Variants in RTN4RL1 observed in about 807,000 individuals in gnomAD.
The protein encoded by RTN4RL1 is reticulon 4 receptor like 1.
In RTN4RL1, 7 loss-of-function variants were observed where a neutral mutation model predicts 25.6. That is an observed-to-expected ratio of 0.27 (90% CI 0.16 to 0.51). The LOEUF (loss-of-function observed/expected upper bound fraction) is 0.51, where lower values mean the gene tolerates loss of function less well. Among genes scored for constraint, RTN4RL1 ranks in the 20% least tolerant of loss-of-function variants. The pLI is 0.97. For missense variants in RTN4RL1, 500 were observed against 615.6 expected, an observed-to-expected ratio of 0.81 and a Z score of 1.99; for synonymous variants, 297 against 288.2, an observed-to-expected ratio of 1.03 and a Z score of -0.31.
intron 1 of RTN4RL1, among the ~76,000 whole-genome samples, chr17:1,956,753 T>C (rs1915802356): frequency 6.6e-6 from 1 of 151,374 alleles, no homozygotes; most frequent in African/African-American, 2.4e-5. Flanking sequence ...TTTTTTTTTT[T>C]TTTTTTTAAG....
rs2067254149 is a variant in RTN4RL1 at position 2,025,049 on chromosome 17, G to A, written c.-184C>T. 2.1e-6 allele frequency: 1 copy of A among 481,564 alleles called. No individual in the cohort carries two copies. 29.8% of individuals were successfully genotyped at this position (481,564 alleles called of 1,614,324 possible). A position where few individuals can be genotyped will look rare whatever the true frequency, so the allele number is the denominator to read the frequency against. On this transcript the variant is annotated 5_prime_UTR_variant, in exon 1 of 2. Coordinates refer to ENST00000331238, the MANE Select transcript of RTN4RL1 (RefSeq NM_178568.4). This position sits in a 1 kb window ranked among gnomAD's most constrained non-coding sequence, Gnocchi z 4.8. The stretch of plus-strand genomic sequence containing the variant: ...ATGGTGAGCTCCAGCCCCGCGCCGA[G>A]GGCACCGGCGCCCGCAAGCAACCGT...
chr17:1,951,647 C>T (rs1421562336), intron 1 of RTN4RL1, among the ~76,000 whole-genome samples: 1 of 152,084 alleles, frequency 6.6e-6, no homozygotes, highest in Non-Finnish European at 1.5e-5. Context: ...GATGGGGTTT[C>T]ACCACATGTT....
At position 1,998,075 on chromosome 17, in the gene RTN4RL1, T is replaced by C. The variant is rs1379295058; in HGVS notation, c.13+26778A>G. On this transcript the variant is annotated intron_variant, in intron 1 of 1. Coordinates refer to ENST00000331238, the MANE Select transcript of RTN4RL1 (RefSeq NM_178568.4). This position sits in a 1 kb window ranked among gnomAD's most constrained non-coding sequence, Gnocchi z 4.9. ...CCCCAGGCCGCGATCGATCCCGGCC[T>C]CTCCCGGCCTCATTACCGAGGGAGA... Among the ~76,000 whole-genome samples the C allele has an allele frequency of 1.3e-5, 2 of 151,382 alleles. No individual in the cohort carries two copies. Among genetic ancestry groups the C allele is most frequent in the East Asian group, 2.0e-4 (1 of 5,108 alleles).
chr17:1,996,131 G>C (rs1341103420), intron 1 of RTN4RL1, among the ~76,000 whole-genome samples: 1 of 152,150 alleles, frequency 6.6e-6, no homozygotes, highest in African/African-American at 2.4e-5. Flanking sequence ...AATTTTCCCG[G>C]TACTCTCATC....
At chr17:1,995,318 C>T (rs774486405) in intron 1 of RTN4RL1, among the ~76,000 whole-genome samples, 2 of 151,530 alleles carry the variant, frequency 1.3e-5, no homozygotes, top group African/African-American at 4.9e-5. Context: ...CCCAGCTACT[C>T]GGGAAGCTGA....
intron 1 of RTN4RL1, among the ~76,000 whole-genome samples, chr17:1,956,247 GCACTCGTCAAA>G (rs1490198879): frequency 6.6e-6 from 1 of 152,150 alleles, no homozygotes; most frequent in African/African-American, 2.4e-5. Flanking sequence ...AGGTAAACAG[GCACTCGTCAAA>G]CACCACGCCC....
chr17:2,005,410 G>C (rs2066986165), intron 1 of RTN4RL1, among the ~76,000 whole-genome samples: 1 of 152,168 alleles, frequency 6.6e-6, no homozygotes, highest in Non-Finnish European at 1.5e-5. Flanking sequence ...GGAGAAAAAA[G>C]GTAATTCCCA....
At chr17:1,984,800 C>T (rs2066881074) in intron 1 of RTN4RL1, among the ~76,000 whole-genome samples, 1 of 152,130 alleles carries the variant, frequency 6.6e-6, no homozygotes, top group Admixed American at 6.5e-5. Context: ...AACCCCGTCT[C>T]TACTAAAAAT....
At chr17:1,978,936 G>A (rs543481760) in intron 1 of RTN4RL1, among the ~76,000 whole-genome samples, 1 of 152,346 alleles carries the variant, frequency 6.6e-6, no homozygotes, top group South Asian at 2.1e-4. Flanking sequence ...TGCCCAGATA[G>A]CAGAAGGTGT....
At chr17:1,969,078 A>G (rs1212047611) in intron 1 of RTN4RL1, among the ~76,000 whole-genome samples, 2 of 13,830 alleles carry the variant, frequency 1.4e-4, no homozygotes, top group African/African-American at 4.5e-4. Context: ...TTTTTTTTTG[A>G]GATGGAGTCT....
At chr17:2,009,252 G>A (rs991052132) in intron 1 of RTN4RL1, among the ~76,000 whole-genome samples, 2 of 152,172 alleles carry the variant, frequency 1.3e-5, no homozygotes, top group African/African-American at 4.8e-5. Context: ...CTGAGGTCAG[G>A]AGTTCAAGAC....
chr17:1,979,678 A>T (rs1432674043), intron 1 of RTN4RL1, among the ~76,000 whole-genome samples: 2 of 152,198 alleles, frequency 1.3e-5, no homozygotes, highest in South Asian at 2.1e-4. Flanking sequence ...TTCCTGAAGC[A>T]ATCACTGCGC....
intron 1 of RTN4RL1, among the ~76,000 whole-genome samples, chr17:1,968,395 TC>T (rs1003087939): frequency 6.6e-6 from 1 of 152,122 alleles, no homozygotes; most frequent in Non-Finnish European, 1.5e-5. Flanking sequence ...CCGGCCGTCC[TC>T]TCTCCTGACA....
At chr17:2,003,948 G>A (rs561840050) in intron 1 of RTN4RL1, among the ~76,000 whole-genome samples, 191 of 152,330 alleles carry the variant, frequency 1.3e-3, no homozygotes, top group African/African-American at 4.3e-3. Context: ...GCAGGTGCCT[G>A]TAATCCCAGC....
At chr17:2,001,782 C>T (rs952253776) in intron 1 of RTN4RL1, among the ~76,000 whole-genome samples, 8 of 152,172 alleles carry the variant, frequency 5.3e-5, no homozygotes, top group Non-Finnish European at 7.4e-5. Flanking sequence ...AGAGCTGGGC[C>T]GGGCTAGGCT....
At chr17:1,970,422 C>G (rs1001092357) in intron 1 of RTN4RL1, among the ~76,000 whole-genome samples, 2 of 152,178 alleles carry the variant, frequency 1.3e-5, no homozygotes, top group Admixed American at 1.3e-4. Context: ...CAGCGTGAAA[C>G]TGCCAGCCTT....
intron 1 of RTN4RL1, among the ~76,000 whole-genome samples, chr17:1,971,979 AT>A (rs146148725): frequency 1.4e-4 from 20 of 146,600 alleles, no homozygotes; most frequent in African/African-American, 2.3e-4. Flanking sequence ...AAAAAAAAAA[AT>A]TTTAAACATT....
intron 1 of RTN4RL1, among the ~76,000 whole-genome samples, chr17:1,971,178 C>A (rs2066816995): frequency 6.6e-6 from 1 of 152,148 alleles, no homozygotes; most frequent in African/African-American, 2.4e-5. Context: ...TTCTCCCTTG[C>A]TGTTCTCGTG....
At position 1,995,214 on chromosome 17, in the gene RTN4RL1, A is replaced by T. The variant is rs1272835660; in HGVS notation, c.13+29639T>A. Among the ~76,000 whole-genome samples the T allele has an allele frequency of 5.3e-5, 8 of 152,158 alleles. No homozygotes were observed. In the East Asian group the frequency reaches 1.6e-3, roughly 30 times the overall value. Reference sequence around the variant, plus strand: ...GCCAAGGCGGGTGGATCACCTGAGGACAGGAGTTTGAGACCGGCCTGGCCA... The same window carrying T: ...GCCAAGGCGGGTGGATCACCTGAGGTCAGGAGTTTGAGACCGGCCTGGCCA... On this transcript the variant is annotated intron_variant, in intron 1 of 1. Coordinates refer to ENST00000331238, the MANE Select transcript of RTN4RL1 (RefSeq NM_178568.4).
Sources: gnomAD v4.1 joint callset for allele counts (sites outside exome capture counted in the v4.1 genomes callset) on GRCh38, gnomAD v4.1.1 for gene constraint, Gnocchi (gnomAD v3.1) non-coding constraint, MANE v1.5 for transcripts, NCBI Gene and HGNC (gene_info 2026-07-23, HGNC 2026-07-21) for gene names.